The following GABBR2 variants were observed in gnomAD, a reference collection of about 807,000 sequenced individuals.
The protein encoded by GABBR2 is gamma-aminobutyric acid type B receptor subunit 2, also known as G-protein coupled receptor 51.
Under a neutral mutation model 105.6 loss-of-function variants are expected in GABBR2, and 23 were observed. The ratio of observed to expected loss-of-function variants is 0.22; its 90% CI spans 0.16 to 0.31. GABBR2 has a LOEUF of 0.31. Among genes scored for constraint, GABBR2 ranks in the 10% least tolerant of loss-of-function variants. The probability of loss-of-function intolerance (pLI) is 1.00; values close to 1 mark genes in which losing one functional copy is unlikely to be tolerated. For synonymous variants in GABBR2, 478 were observed against 499.7 expected (o/e 0.96, Z 0.58); for missense variants, 734 against 1,245.5 (o/e 0.59, Z 6.18).
At chr9:98,603,353 A>G (rs1289484533) in intron 1 of GABBR2, among the ~76,000 whole-genome samples, 2 of 152,196 alleles carry the variant, frequency 1.3e-5, no homozygotes, top group Non-Finnish European at 2.9e-5. Flanking sequence ...TGTTTCCTCA[A>G]TGGCCAAGGT....
chr9:98,430,190 T>C (rs1490990215), intron 7 of GABBR2, among the ~76,000 whole-genome samples: 1 of 149,014 alleles, frequency 6.7e-6, no homozygotes, highest in Non-Finnish European at 1.5e-5. Context: ...CTTAGGAGGC[T>C]GAGGCAGGGG....
chr9:98,703,509 T>G (rs1023856244), intron 1 of GABBR2, among the ~76,000 whole-genome samples: 2 of 152,210 alleles, frequency 1.3e-5, no homozygotes, highest in African/African-American at 4.8e-5. Context: ...CGTTTTATTT[T>G]TGAGACAGAG....
chr9:98,560,936 A>G (rs1311122049), intron 2 of GABBR2, among the ~76,000 whole-genome samples: 5 of 151,928 alleles, frequency 3.3e-5, no homozygotes, highest in Admixed American at 6.6e-5. Flanking sequence ...AAATTATCCT[A>G]TATCATTATA....
At chr9:98,468,774 G>A (rs1161540004) in intron 6 of GABBR2, among the ~76,000 whole-genome samples, 1 of 152,024 alleles carries the variant, frequency 6.6e-6, no homozygotes, top group East Asian at 1.9e-4. Flanking sequence ...TGTGAACGCA[G>A]GATCCACACC....
chr9:98,314,883 C>G (rs1271825014), intron 13 of GABBR2, among the ~76,000 whole-genome samples: 3 of 149,376 alleles, frequency 2.0e-5, no homozygotes, highest in East Asian at 3.9e-4. Context: ...GCTCAGTACT[C>G]CAGGCAGTGC....
At chr9:98,600,974 G>A (rs751859954) in intron 1 of GABBR2, among the ~76,000 whole-genome samples, 12 of 152,034 alleles carry the variant, frequency 7.9e-5, no homozygotes, top group African/African-American at 1.2e-4. Context: ...CTGGTCCCCC[G>A]GTGAGCACCC....
intron 1 of GABBR2, among the ~76,000 whole-genome samples, chr9:98,619,558 C>T (rs1007926360): frequency 1.5e-4 from 23 of 152,142 alleles, no homozygotes; most frequent in African/African-American, 5.1e-4. Flanking sequence ...TCTGATTTTT[C>T]AATATTGATT....
intron 10 of GABBR2, 50 bp from the exon 11 acceptor site, chr9:98,385,822 T>C: frequency 6.8e-7 from 1 of 1,465,940 alleles, no homozygotes; most frequent in Non-Finnish European, 9.6e-7. Context: ...AATTTAGTTA[T>C]TCCTTCAACA....
At position 98,311,211 on chromosome 9, in the gene GABBR2, C is replaced by T; in HGVS notation, c.1894-6G>A. The T allele has an allele frequency of 6.3e-7, 1 of 1,592,738 alleles. No individual in the cohort carries two copies. Among genetic ancestry groups the T allele is most frequent in the South Asian group, 1.1e-5 (1 of 90,598 alleles). On this transcript the variant is annotated splice_region_variant and splice_polypyrimidine_tract_variant and intron_variant, in intron 13 of 18. Coordinates refer to ENST00000259455, the MANE Select transcript of GABBR2 (RefSeq NM_005458.8). ...TCCCGTCCTGCTGGGTCCGGCTGTG[C>T]AAAGAGAAAACAGAGACTCAGGGAT... is the stretch of plus-strand genomic sequence containing the variant.
rs187819220 is a variant in GABBR2, at chr9:98,591,936, C to T, written c.322-13864G>A. On this transcript the variant is annotated intron_variant, in intron 1 of 18. Transcript: ENST00000259455. ...AGCAGAGTTTGCAAAGCAAAGCAGG[C>T]TATACTTTGGCAATAAACAAACCCT... 1.2e-3 allele frequency among the ~76,000 whole-genome samples: 190 copies of T among 152,314 alleles called. 4 individuals are homozygous for T. Among genetic ancestry groups the T allele is most frequent in the Non-Finnish European group, 1.5e-4 (10 of 68,034 alleles).
At chr9:98,317,384 A>G (rs1309235033) in intron 13 of GABBR2, among the ~76,000 whole-genome samples, 1 of 152,226 alleles carries the variant, frequency 6.6e-6, no homozygotes, top group East Asian at 1.9e-4. Context: ...CTCACAATGT[A>G]GGTCAGTGCC....
intron 1 of GABBR2, among the ~76,000 whole-genome samples, chr9:98,651,557 C>T (rs552813234): frequency 6.6e-6 from 1 of 152,126 alleles, no homozygotes; most frequent in Non-Finnish European, 1.5e-5. Flanking sequence ...GTCCCAGCCT[C>T]CAGAGTAGCT....
intron 1 of GABBR2, among the ~76,000 whole-genome samples, chr9:98,594,562 T>C (rs1537738): frequency 0.086 from 13,109 of 152,210 alleles, 1,190 homozygotes; most frequent in East Asian, 0.49. Context: ...CTATGGCTCA[T>C]TGAGGCAGCA....
At chr9:98,600,874 C>G (rs780392770) in intron 1 of GABBR2, among the ~76,000 whole-genome samples, 7 of 152,214 alleles carry the variant, frequency 4.6e-5, no homozygotes, top group South Asian at 4.1e-4. Flanking sequence ...CCTGCTACCT[C>G]CCCTCTGCTG....
intron 3 of GABBR2, among the ~76,000 whole-genome samples, chr9:98,539,759 T>C (rs1477889071): frequency 1.3e-5 from 2 of 151,566 alleles, no homozygotes; most frequent in Non-Finnish European, 2.9e-5. Flanking sequence ...CTACTAAAAA[T>C]ACATAAATTA....
chr9:98,437,425 C>G (rs1278366012), intron 7 of GABBR2, among the ~76,000 whole-genome samples: 1 of 151,880 alleles, frequency 6.6e-6, no homozygotes, highest in Admixed American at 6.6e-5. Context: ...ATCCATCCAC[C>G]CACCCACCTG....
chr9:98,438,525 A>C (rs1825974795), intron 7 of GABBR2, among the ~76,000 whole-genome samples: 1 of 152,250 alleles, frequency 6.6e-6, no homozygotes, highest in Non-Finnish European at 1.5e-5. Flanking sequence ...AAATCTCAGA[A>C]AGACCCTACC....
At chr9:98,330,403 A>C (rs1831004041) in intron 13 of GABBR2, among the ~76,000 whole-genome samples, 1 of 152,198 alleles carries the variant, frequency 6.6e-6, no homozygotes, top group African/African-American at 2.4e-5. Context: ...GAGCAGGGAC[A>C]AAAAAATCAC....
chr9:98,449,070 C>T (rs1826186950), intron 7 of GABBR2, among the ~76,000 whole-genome samples: 1 of 152,208 alleles, frequency 6.6e-6, no homozygotes, highest in Non-Finnish European at 1.5e-5. Context: ...TGAAAGGAGT[C>T]TGTTCAGCCA....
Sources: gnomAD v4.1 joint callset for allele counts (sites outside exome capture counted in the v4.1 genomes callset) on GRCh38, gnomAD v4.1.1 for gene constraint, MANE v1.5 for transcripts, NCBI Gene and HGNC (gene_info 2026-07-23, HGNC 2026-07-21) for gene names.